RBM18: variants seen among roughly 807,000 people sequenced by gnomAD.
RBM18 encodes probable RNA-binding protein 18.
RBM18 carries 18 observed loss-of-function variants against 26.4 expected under a neutral mutation model. The ratio of observed to expected loss-of-function variants is 0.68; its 90% confidence interval spans 0.47 to 1.01. The LOEUF is 1.01. Ranked by LOEUF, RBM18 falls within the 50% of genes least tolerant of loss-of-function variation. The pLI is 0.00. For synonymous variants in RBM18, 74 were observed against 81.1 expected (o/e 0.91, Z 0.47); for missense variants, 180 against 219.2 (o/e 0.82, Z 1.13).
rs1217569908 is a variant in RBM18, at chr9:122,239,783, A to C, written c.*2101T>G. 1 of 152,262 alleles carries C rather than the reference A, an allele frequency of 6.6e-6. No individual in the cohort carries two copies. Among genetic ancestry groups the C allele is most frequent in the Non-Finnish European group, 1.5e-5 (1 of 68,048 alleles). The allele number at this position is 152,262 out of a possible 1,614,324, so 9.4% of individuals were successfully genotyped here. ...TTTCAAATAGTGACATTTGCAATGG[A>C]AACAGCTGGTCTCTATTCTCATCTC... On this transcript the variant is annotated 3_prime_UTR_variant, in exon 6 of 6. Transcript: ENST00000417201.
chr9:122,252,059 T>A, intron 2 of RBM18, 86 bp from the exon 3 acceptor site: 1 of 1,557,504 alleles, frequency 6.4e-7, no homozygotes, highest in East Asian at 2.3e-5. Flanking sequence ...CAGGAGATAA[T>A]TTACCCCAGG....
chr9:122,260,876 T>G (rs2118976719), intron 2 of RBM18, among the ~76,000 whole-genome samples: 1 of 152,324 alleles, frequency 6.6e-6, no homozygotes, highest in Non-Finnish European at 1.5e-5. Context: ...CACTTGGCAC[T>G]CAAATCATTT....
intron 5 of RBM18, among the ~76,000 whole-genome samples, chr9:122,242,309 C>T (rs1021661916): frequency 2.0e-5 from 3 of 152,150 alleles, no homozygotes; most frequent in East Asian, 1.9e-4. Flanking sequence ...AATCCTCAGA[C>T]GCAGACACTG....
At chr9:122,248,306 A>C (rs1457464443) in intron 3 of RBM18, among the ~76,000 whole-genome samples, 3 of 152,190 alleles carry the variant, frequency 2.0e-5, no homozygotes, top group Non-Finnish European at 2.9e-5. Flanking sequence ...TGCACTTAAC[A>C]TATGTTAGTA....
intron 5 of RBM18, 126 bp downstream of exon 5, chr9:122,245,130 A>G (rs1831484027): frequency 1.5e-6 from 1 of 657,120 alleles, no homozygotes; most frequent in Non-Finnish European, 2.7e-6. Flanking sequence ...CTAACTGAAC[A>G]TCTCTCTTGT....
chr9:122,260,427 T>G (rs1437783213), intron 2 of RBM18, among the ~76,000 whole-genome samples: 1 of 152,216 alleles, frequency 6.6e-6, no homozygotes, highest in Admixed American at 6.5e-5. Context: ...CTCATTGTAC[T>G]CTGCCACCAA....
chr9:122,252,920 G>T (rs971949822), intron 2 of RBM18, among the ~76,000 whole-genome samples: 1 of 152,172 alleles, frequency 6.6e-6, no homozygotes, highest in Non-Finnish European at 1.5e-5. Flanking sequence ...GGTTGCTGCG[G>T]CCAATCTCAA....
chr9:122,259,971 G>C (rs74505159), intron 2 of RBM18, among the ~76,000 whole-genome samples: 49 of 151,932 alleles, frequency 3.2e-4, no homozygotes, highest in Non-Finnish European at 6.3e-4. Context: ...TGGGATTATA[G>C]GCGTGAGCCA....
intron 2 of RBM18, among the ~76,000 whole-genome samples, chr9:122,257,887 T>G (rs1587980013): frequency 6.6e-6 from 1 of 152,132 alleles, no homozygotes; most frequent in African/African-American, 2.4e-5. Context: ...GGATAGAAGG[T>G]AGGTTTAAAC....
chr9:122,240,233 C>T lies in RBM18; in HGVS notation c.*1651G>A, dbSNP rs1024957840. 5 of 152,146 alleles carry T rather than the reference C, an allele frequency of 3.3e-5. No homozygotes were observed. Among genetic ancestry groups the T allele is most frequent in the Admixed American group, 3.3e-4 (5 of 15,264 alleles). 9.4% of individuals were successfully genotyped at this position (152,146 alleles called of 1,614,324 possible). On this transcript the variant is annotated 3_prime_UTR_variant, in exon 6 of 6. Coordinates refer to ENST00000417201, the MANE Select transcript of RBM18 (RefSeq NM_033117.4). ...TACGGATAAAATGGTGAATTCTATA[C>T]TCCAAGAAGTCACCAGAAAAATGGG...
At chr9:122,246,322 T>C (rs1242877997) in intron 4 of RBM18, among the ~76,000 whole-genome samples, 1 of 152,200 alleles carries the variant, frequency 6.6e-6, no homozygotes, top group Non-Finnish European at 1.5e-5. Flanking sequence ...AATTACATAC[T>C]TCTTGTAAAA....
chr9:122,255,107 A>G (rs1286279587), intron 2 of RBM18, among the ~76,000 whole-genome samples: 1 of 152,256 alleles, frequency 6.6e-6, no homozygotes, highest in Non-Finnish European at 1.5e-5. Context: ...TTGGAAGCCC[A>G]TGAAATGACA....
chr9:122,244,626 CTATTGT>C (rs1205334736), intron 5 of RBM18, among the ~76,000 whole-genome samples: 1 of 152,194 alleles, frequency 6.6e-6, no homozygotes, highest in Non-Finnish European at 1.5e-5. Flanking sequence ...TAAATCCTGG[CTATTGT>C]TATTGTTATT....
chr9:122,260,971 G>A (rs1023989926), intron 2 of RBM18, among the ~76,000 whole-genome samples: 1 of 152,040 alleles, frequency 6.6e-6, no homozygotes, highest in Non-Finnish European at 1.5e-5. Context: ...TGCTTAATAT[G>A]AATTACAGTC....
chr9:122,257,877 G>GGT (rs765540040), intron 2 of RBM18, among the ~76,000 whole-genome samples: 48 of 152,158 alleles, frequency 3.2e-4, no homozygotes, highest in Non-Finnish European at 6.0e-4. Context: ...AGCAATTTGT[G>GGT]GATAGAAGGT....
rs138799283 is a variant in RBM18, at chr9:122,241,225, A to G, written c.*659T>C. 6.6e-6 allele frequency: 1 copy of G among 152,244 alleles called. No individual in the cohort carries two copies. The highest frequency in any genetic ancestry group is 2.1e-4 in the South Asian group (1 of 4,834). The allele number at this position is 152,244 out of a possible 1,614,324, so 9.4% of individuals were successfully genotyped here. A position where few individuals can be genotyped will look rare whatever the true frequency, so the allele number is the denominator to read the frequency against. On this transcript the variant is annotated 3_prime_UTR_variant, in exon 6 of 6. Coordinates refer to ENST00000417201, the MANE Select transcript of RBM18 (RefSeq NM_033117.4). Reference sequence around the variant, plus strand: ...CTTGTGTTGTGGTATAAAATGTTAAATTTGATTCTAGTTTTGTCAACACAA... The same window carrying G: ...CTTGTGTTGTGGTATAAAATGTTAAGTTTGATTCTAGTTTTGTCAACACAA...
At position 122,241,213 on chromosome 9, in the gene RBM18, A is replaced by G. The variant is rs947588606; in HGVS notation, c.*671T>C. On this transcript the variant is annotated 3_prime_UTR_variant, in exon 6 of 6. Coordinates refer to ENST00000417201, the MANE Select transcript of RBM18 (RefSeq NM_033117.4). ...TTCCAAATAGAACTTGTGTTGTGGT[A>G]TAAAATGTTAAATTTGATTCTAGTT... 6.6e-6 allele frequency: 1 copy of G among 152,260 alleles called. No individual in the cohort carries two copies. Among genetic ancestry groups the G allele is most frequent in the South Asian group, 2.1e-4 (1 of 4,830 alleles). 9.4% of individuals were successfully genotyped at this position (152,260 alleles called of 1,614,324 possible). A position where few individuals can be genotyped will look rare whatever the true frequency, so the allele number is the denominator to read the frequency against.
At chr9:122,259,616 T>A (rs1026301397) in intron 2 of RBM18, among the ~76,000 whole-genome samples, 3 of 152,212 alleles carry the variant, frequency 2.0e-5, no homozygotes, top group Non-Finnish European at 4.4e-5. Context: ...TTTGTTATAA[T>A]CCTGATTTAT....
chr9:122,246,972 G>A (rs1196159613), intron 4 of RBM18, among the ~76,000 whole-genome samples: 1 of 152,056 alleles, frequency 6.6e-6, no homozygotes, highest in African/African-American at 2.4e-5. Context: ...ATTACAGAAT[G>A]AACAGGGCAG....
Sources: allele counts gnomAD v4.1 joint callset (sites outside exome capture counted in the v4.1 genomes callset), GRCh38; gene constraint gnomAD v4.1.1; transcripts MANE v1.5; gene names NCBI Gene and HGNC (gene_info 2026-07-23, HGNC 2026-07-21).